PCNT: variants seen among roughly 807,000 people sequenced by gnomAD.
PCNT encodes kendrin.
In PCNT, 319 loss-of-function variants were observed where a neutral mutation model predicts 380.4. That is an observed-to-expected ratio of 0.84 (90% CI 0.77 to 0.92). PCNT has a LOEUF of 0.92. PCNT is among the 40% of genes least tolerant of loss of function. The pLI is 0.00. For synonymous variants in PCNT, 1,845 were observed against 1,735.2 expected, an observed-to-expected ratio of 1.06 and a Z score of -1.57; for missense variants, 4,400 against 4,255.3, an observed-to-expected ratio of 1.03 and a Z score of -0.95.
At chr21:46,379,275 C>T (rs769717358) in intron 15 of PCNT, among the ~76,000 whole-genome samples, 7 of 151,896 alleles carry the variant, frequency 4.6e-5, no homozygotes, top group African/African-American at 7.3e-5. Flanking sequence ...GGCTGCGTGT[C>T]GTGAGCCGCG....
At chr21:46,424,704 CTCCCACTGCG>C (rs2087415373) in intron 32 of PCNT, among the ~76,000 whole-genome samples, 1 of 108,702 alleles carries the variant, frequency 9.2e-6, no homozygotes, top group Non-Finnish European at 1.9e-5. Flanking sequence ...CCCGGCCCTG[CTCCCACTGCG>C]CCCCCCCCAA....
In PCNT at chr21:46,411,564, G is replaced by A. The variant is rs2086785325; in HGVS notation, c.5491G>A (p.Ala1831Thr). ...QQRLQGAEEA[A>T]ELQLAELERN... ...GCGCCTCCAGGGCGCAGAGGAGGCT[G>A]CGGAGCTACAGCTGGCTGAGCTGGA... is the stretch of plus-strand genomic sequence containing the variant. The change falls in exon 28 of 47, where the codon GCG (alanine) becomes ACG (threonine). Residue 1831 changes from alanine (A) to threonine (T), a missense_variant. By Grantham distance (58) the Ala-to-Thr change is moderately conservative (BLOSUM62 0). Transcript: ENST00000359568. The A allele has an allele frequency of 6.2e-7, 1 of 1,612,524 alleles. No individual in the cohort carries two copies. Among genetic ancestry groups the A allele is most frequent in the African/African-American group, 1.3e-5 (1 of 74,924 alleles).
In PCNT at chr21:46,380,145, A is replaced by ATTTTTTTT. The variant is rs552854585; in HGVS notation, c.3166-1518_3166-1511dup. ...GTTTCCAACCGGTGCCCTGGGGTAG[A>ATTTTTTTT]TTTTTTTTTTTTTTTTTTTTTTTTT... is the stretch of plus-strand genomic sequence containing the variant. On this transcript the variant is annotated intron_variant, in intron 15 of 46. Transcript: ENST00000359568. Among the ~76,000 whole-genome samples the ATTTTTTTT allele has an allele frequency of 3.0e-4, 18 of 59,712 alleles. 2 individuals carry two copies. Among genetic ancestry groups the ATTTTTTTT allele is most frequent in the Admixed American group, 7.7e-4 (3 of 3,874 alleles). The allele number at this position is 59,712 out of a possible 152,430, so 39.2% of individuals were successfully genotyped here. A position where few individuals can be genotyped will look rare whatever the true frequency, so the allele number is the denominator to read the frequency against.
At chr21:46,354,262 G>T (rs2084388961) in intron 11 of PCNT, among the ~76,000 whole-genome samples, 194 bp downstream of exon 11, 1 of 152,218 alleles carries the variant, frequency 6.6e-6, no homozygotes, top group Non-Finnish European at 1.5e-5. Flanking sequence ...TCAGGAAAGG[G>T]GGTGGCCGGG....
Position 46,355,506 on chromosome 21 carries a change from G to C in PCNT, c.1816G>C (p.Glu606Gln), listed in dbSNP as rs765577763. Reference protein sequence around the residue: ...ELEESHRHQLEALESPLCIQH... With the variant: ...ELEESHRHQLQALESPLCIQH... ...AGAAGAAAGCCACAGGCACCAGCTG[G>C]AAGCGCTGGAGTCTCCCCTCTGCAT... The change falls in exon 12 of 47, where the codon GAA becomes CAA. Residue 606 changes from glutamate to glutamine, a missense_variant. Glu to Gln is a conservative substitution (Grantham distance 29). Coordinates refer to ENST00000359568, the MANE Select transcript of PCNT (RefSeq NM_006031.6). 1 of 1,614,064 alleles carries C rather than the reference G, an allele frequency of 6.2e-7. No individual in the cohort carries two copies. Among genetic ancestry groups the C allele is most frequent in the Non-Finnish European group, 8.5e-7 (1 of 1,180,020 alleles).
chr21:46,381,006 A>G (rs1192607458), intron 15 of PCNT, among the ~76,000 whole-genome samples: 2 of 151,930 alleles, frequency 1.3e-5, no homozygotes, highest in Admixed American at 6.5e-5. Flanking sequence ...CCCTATCTCT[A>G]CTAAAAGAAA....
At chr21:46,418,337 T>G in intron 31 of PCNT, 31 bp downstream of exon 31, 1 of 1,271,264 alleles carries the variant, frequency 7.9e-7, no homozygotes. Context: ...TTTTAATTTT[T>G]TATTTCAGTG....
At chr21:46,365,823 G>T (rs535413050) in intron 14 of PCNT, among the ~76,000 whole-genome samples, 1 of 141,356 alleles carries the variant, frequency 7.1e-6, no homozygotes, top group African/African-American at 2.8e-5. Context: ...TCTATTCACT[G>T]CCGTGGGGTT....
chr21:46,345,942 G>A (rs148520821), intron 3 of PCNT, among the ~76,000 whole-genome samples, 186 bp from the exon 4 acceptor site: 29 of 152,322 alleles, frequency 1.9e-4, no homozygotes, highest in Non-Finnish European at 3.2e-4. Flanking sequence ...GGCAGCCCAC[G>A]TTTGTTCAAC....
chr21:46,360,435 G>C (rs1388189538), intron 13 of PCNT, among the ~76,000 whole-genome samples: 1 of 148,830 alleles, frequency 6.7e-6, no homozygotes, highest in African/African-American at 2.5e-5. Context: ...CACCGTGTTA[G>C]GATGTTCTCG....
At chr21:46,371,866 TGCACACACACA>T (rs1387268738) in intron 15 of PCNT, among the ~76,000 whole-genome samples, 1 of 144,120 alleles carries the variant, frequency 6.9e-6, no homozygotes, top group African/African-American at 2.7e-5. Context: ...ACAGCATGTG[TGCACACACACA>T]GCACATGCAC....
At chr21:46,426,123 C>A in intron 33 of PCNT, 152 bp downstream of exon 33, 2 of 760,646 alleles carry the variant, frequency 2.6e-6, no homozygotes, top group Non-Finnish European at 4.0e-6. Flanking sequence ...CAACCTCCAC[C>A]ACCCCGGGTC....
rs1302816202 is a variant in PCNT, at chr21:46,344,561, A to G, written c.640-1567A>G. 2.0e-5 allele frequency among the ~76,000 whole-genome samples: 3 copies of G among 152,194 alleles called. 1 individual carries two copies. The highest frequency in any genetic ancestry group is 7.2e-5 in the African/African-American group (3 of 41,428). On this transcript the variant is annotated intron_variant, in intron 3 of 46. Transcript: ENST00000359568. ...TCTCTCCATCCCTAGCCAGTTCCCC[A>G]GTTGGGGCAGAAAAATTTAGTTTGG...
intron 36 of PCNT, 133 bp from the exon 37 acceptor site, chr21:46,430,374 G>C: frequency 1.4e-6 from 2 of 1,416,320 alleles, no homozygotes; most frequent in South Asian, 1.2e-5. Flanking sequence ...TCCCTGGGTT[G>C]ATAATCCTGT....
chr21:46,344,962 CTG>C (rs1199059987), intron 3 of PCNT, among the ~76,000 whole-genome samples: 6 of 152,222 alleles, frequency 3.9e-5, no homozygotes, highest in Non-Finnish European at 5.9e-5. Flanking sequence ...TTTCTTGTGA[CTG>C]TGGTGGCACT....
In PCNT at chr21:46,437,653, C is replaced by T. The variant is rs538933464; in HGVS notation, c.9100-511C>T. Reference sequence around the variant, plus strand: ...TAAATTCTTGATGTGTGTTCTGTGGCATTTATGAAATCATGACTTTGATCG... The same window carrying T: ...TAAATTCTTGATGTGTGTTCTGTGGTATTTATGAAATCATGACTTTGATCG... On this transcript the variant is annotated intron_variant, in intron 40 of 46. Transcript: ENST00000359568. 5.9e-5 allele frequency among the ~76,000 whole-genome samples: 9 copies of T among 152,346 alleles called. No homozygotes were observed. In the South Asian group the frequency reaches 1.9e-3, roughly 32 times the overall value.
intron 21 of PCNT, among the ~76,000 whole-genome samples, chr21:46,394,884 G>A (rs956063421): frequency 2.0e-5 from 3 of 152,222 alleles, no homozygotes; most frequent in Admixed American, 6.5e-5. Flanking sequence ...CCTGTTCAGC[G>A]TGGGTGTCAC....
intron 16 of PCNT, among the ~76,000 whole-genome samples, chr21:46,384,168 C>T (rs1375690400): frequency 4.0e-5 from 4 of 100,138 alleles, no homozygotes; most frequent in South Asian, 3.8e-4. Context: ...GTGCATTCAG[C>T]AGCGGAAGCG....
At chr21:46,367,596 C>T (rs1547380) in intron 15 of PCNT, among the ~76,000 whole-genome samples, 49,709 of 152,026 alleles carry the variant, frequency 0.33, 8,805 homozygotes, top group Admixed American at 0.42. Context: ...TATGAGCCAC[C>T]GCACCCGGCC....
Sources: allele counts gnomAD v4.1 joint callset (sites outside exome capture counted in the v4.1 genomes callset), GRCh38; gene constraint gnomAD v4.1.1; transcripts MANE v1.5; gene names NCBI Gene and HGNC (gene_info 2026-07-23, HGNC 2026-07-21).